DAAM1: variants seen among roughly 807,000 people sequenced by gnomAD.
DAAM1 encodes the protein disheveled-associated activator of morphogenesis 1.
Under a neutral mutation model 130.0 loss-of-function variants are expected in DAAM1, and 52 were observed. The ratio of observed to expected loss-of-function variants is 0.40; its 90% CI spans 0.32 to 0.50. The LOEUF (loss-of-function observed/expected upper bound fraction) is 0.50, where lower values mean the gene tolerates loss of function less well. Among genes scored for constraint, DAAM1 ranks in the 20% least tolerant of loss-of-function variants. The probability of loss-of-function intolerance (pLI) is 0.61; values close to 1 mark genes in which losing one functional copy is unlikely to be tolerated. For missense variants in DAAM1, 1,134 were observed against 1,303.8 expected, an observed-to-expected ratio of 0.87 and a Z score of 2.01; for synonymous variants, 452 against 444.5, an observed-to-expected ratio of 1.02 and a Z score of -0.21.
rs574434637 is a variant in DAAM1, at chr14:59,356,519, G to T, written c.2525+1186G>T. On this transcript the variant is annotated intron_variant, in intron 20 of 24. Transcript: ENST00000360909. ...GTAAGAAACTGACTCAGGGTCAGGTGGCTCATTCAGCTTGCCTATGGTTAC... is the reference window on the plus strand; with the variant it reads ...GTAAGAAACTGACTCAGGGTCAGGTTGCTCATTCAGCTTGCCTATGGTTAC... Among the ~76,000 whole-genome samples the T allele has an allele frequency of 2.6e-5, 4 of 152,282 alleles. No homozygotes were observed. In the South Asian group the frequency reaches 8.3e-4, roughly 32 times the overall value.
chr14:59,218,008 A>G (rs949634315), intron 1 of DAAM1, among the ~76,000 whole-genome samples: 1 of 150,884 alleles, frequency 6.6e-6, no homozygotes, highest in Non-Finnish European at 1.5e-5. Context: ...TGGCATGTGC[A>G]TGTAGTCCCA....
chr14:59,313,454 G>GTAA (rs1884669718), intron 3 of DAAM1, among the ~76,000 whole-genome samples: 1 of 152,182 alleles, frequency 6.6e-6, no homozygotes, highest in African/African-American at 2.4e-5. Flanking sequence ...TTTCCAAACT[G>GTAA]TAAAGACTTC....
At position 59,331,381 on chromosome 14, in the gene DAAM1, C is replaced by A. The variant is rs150384804; in HGVS notation, c.1733C>A (p.Pro578Gln). Residue 578 changes from proline (P) to glutamine (Q), a missense_variant, in exon 14 of 25, where the codon CCA becomes CAA. By Grantham distance (76) the Pro-to-Gln change is moderately conservative. Transcript: ENST00000360909. ...PLPPGGPPPP[P>Q]GPPPLGAIMP... ...CCTCCAGGTGGCCCTCCTCCTCCCC[C>A]AGGGCCTCCTCCCTTAGGGGCAATC... is the stretch of plus-strand genomic sequence containing the variant. The A allele has an allele frequency of 1.8e-5, 29 of 1,613,326 alleles. No homozygotes were observed. The African/African-American group carries it at 3.1e-4, about 17-fold the overall frequency.
At chr14:59,208,877 C>T (rs942213065) in intron 1 of DAAM1, among the ~76,000 whole-genome samples, 1 of 152,142 alleles carries the variant, frequency 6.6e-6, no homozygotes, top group African/African-American at 2.4e-5. Context: ...CTTCCCCTAT[C>T]TTTCTCTTGC....
chr14:59,235,811 C>A (rs1237614485), intron 1 of DAAM1, among the ~76,000 whole-genome samples: 2 of 152,168 alleles, frequency 1.3e-5, no homozygotes, highest in African/African-American at 4.8e-5. Context: ...ACTGCTTTAG[C>A]TGTGTCCCAA....
intron 1 of DAAM1, among the ~76,000 whole-genome samples, chr14:59,199,605 G>A (rs917783412): frequency 3.0e-4 from 46 of 152,180 alleles, no homozygotes; most frequent in African/African-American, 1.1e-3. Flanking sequence ...TATCTCCTTG[G>A]CCCTTGAAGA....
Position 59,330,615 on chromosome 14 carries a change from A to C in DAAM1, c.1487A>C (p.Lys496Thr). ...AATAAAATGAAAGAGAAACTTGAAA[A>C]GGAGACTACTGAGCATAAGCAAGTC... Reference protein sequence around the residue: ...TLNKMKEKLEKETTEHKQVKQ... With the variant: ...TLNKMKEKLETETTEHKQVKQ... The change falls in exon 13 of 25, where the codon AAG (lysine) becomes ACG (threonine). Residue 496 changes from lysine (K) to threonine (T), a missense_variant. Physicochemically the swap from Lys to Thr is moderately conservative, Grantham distance 78. Coordinates refer to ENST00000360909, the MANE Select transcript of DAAM1 (RefSeq NM_001270520.2). 6.2e-7 allele frequency: 1 copy of C among 1,614,082 alleles called. No individual in the cohort carries two copies. Among genetic ancestry groups the C allele is most frequent in the Non-Finnish European group, 8.5e-7 (1 of 1,180,012 alleles).
At chr14:59,363,395 A>C in intron 22 of DAAM1, 3 of 329,638 alleles carry the variant, frequency 9.1e-6, no homozygotes, top group Non-Finnish European at 1.7e-5. Flanking sequence ...AAAGCCTGAA[A>C]GAGAAATCAC....
chr14:59,291,409 A>G (rs1767895882), intron 3 of DAAM1, 103 bp downstream of exon 3: 2 of 908,302 alleles, frequency 2.2e-6, no homozygotes, highest in Non-Finnish European at 3.3e-6. Flanking sequence ...TAATATGAAA[A>G]CCAGATTGAA....
At chr14:59,279,892 TAAGAC>T (rs1451674784) in intron 2 of DAAM1, among the ~76,000 whole-genome samples, 1 of 152,058 alleles carries the variant, frequency 6.6e-6, no homozygotes, top group Non-Finnish European at 1.5e-5. Context: ...TCAGTAAAAA[TAAGAC>T]AGGTAACTCA....
At chr14:59,338,387 T>C in intron 15 of DAAM1, 1 of 1,613,784 alleles carries the variant, frequency 6.2e-7, no homozygotes, top group Non-Finnish European at 8.5e-7. Flanking sequence ...GGCTGTAGGA[T>C]TTCTTTGTGA....
At chr14:59,302,027 C>T (rs1420200343) in intron 3 of DAAM1, among the ~76,000 whole-genome samples, 1 of 152,144 alleles carries the variant, frequency 6.6e-6, no homozygotes, top group Non-Finnish European at 1.5e-5. Context: ...ACATGACTCT[C>T]AAAAGAAATG....
intron 2 of DAAM1, among the ~76,000 whole-genome samples, chr14:59,275,743 A>T (rs1253241180): frequency 3.3e-5 from 5 of 152,214 alleles, no homozygotes. Context: ...AGTGTAAAAA[A>T]CACTTAACCA....
chr14:59,288,832 G>GAGA (rs1883577878), intron 2 of DAAM1, among the ~76,000 whole-genome samples: 1 of 143,888 alleles, frequency 6.9e-6, no homozygotes, highest in African/African-American at 2.7e-5. Flanking sequence ...TGTGATAGCA[G>GAGA]GAGAGAGAGA....
intron 16 of DAAM1, among the ~76,000 whole-genome samples, chr14:59,344,053 G>A (rs750721664): frequency 1.7e-4 from 26 of 152,160 alleles, no homozygotes; most frequent in Non-Finnish European, 3.5e-4. Context: ...AAAGGCCTGG[G>A]GGTGGCAGCG....
intron 1 of DAAM1, among the ~76,000 whole-genome samples, chr14:59,222,683 ATCC>A (rs1201144251): frequency 6.6e-6 from 1 of 152,170 alleles, no homozygotes; most frequent in Non-Finnish European, 1.5e-5. Flanking sequence ...TCCACTTGAA[ATCC>A]TCCTCTGCTG....
intron 22 of DAAM1, among the ~76,000 whole-genome samples, chr14:59,362,110 A>G (rs1412010042): frequency 2.0e-5 from 3 of 149,620 alleles, no homozygotes; most frequent in Admixed American, 6.7e-5. Flanking sequence ...CAGAGGGTCC[A>G]TGGTCATTAT....
At chr14:59,289,846 G>A (rs199865717) in intron 2 of DAAM1, among the ~76,000 whole-genome samples, 6 of 149,170 alleles carry the variant, frequency 4.0e-5, no homozygotes, top group Non-Finnish European at 7.4e-5. Flanking sequence ...CACATATGCC[G>A]CTGGAGGCCA....
At position 59,331,429 on chromosome 14, in the gene DAAM1, T is replaced by A. The variant is rs1376580266; in HGVS notation, c.1781T>A (p.Met594Lys). ...GAIMPPPGAPMGLALKKKSIP... is the reference protein window; with the variant it reads ...GAIMPPPGAPKGLALKKKSIP... ...ATCATGCCACCTCCTGGTGCTCCAATGGGCCTAGCACTGAAGAAGAAAAGC... is the reference window on the plus strand; with the variant it reads ...ATCATGCCACCTCCTGGTGCTCCAAAGGGCCTAGCACTGAAGAAGAAAAGC... Residue 594 changes from methionine to lysine, a missense_variant, in exon 14 of 25, where the codon ATG (methionine) becomes AAG (lysine). Met to Lys is a moderately conservative substitution (Grantham distance 95). Coordinates refer to ENST00000360909, the MANE Select transcript of DAAM1 (RefSeq NM_001270520.2). 1.9e-6 allele frequency: 3 copies of A among 1,613,548 alleles called. No homozygotes were observed. Among genetic ancestry groups the A allele is most frequent in the Admixed American group, 3.3e-5 (2 of 59,960 alleles).
Sources: allele counts gnomAD v4.1 joint callset (sites outside exome capture counted in the v4.1 genomes callset), GRCh38; gene constraint gnomAD v4.1.1; transcripts MANE v1.5; gene names NCBI Gene and HGNC (gene_info 2026-07-23, HGNC 2026-07-21).